LRRTM4: variants seen among roughly 807,000 people sequenced by gnomAD.
LRRTM4 encodes the protein leucine-rich repeat transmembrane neuronal protein 4.
In LRRTM4, 25 loss-of-function variants were observed where a neutral mutation model predicts 47.6. The observed-to-expected ratio is 0.53, with a 90% CI of 0.38 to 0.73. The LOEUF is 0.73. Ranked by LOEUF, LRRTM4 falls within the 30% of genes least tolerant of loss-of-function variation. LRRTM4 has a pLI of 0.00. For missense variants in LRRTM4, 638 were observed against 713.4 expected (o/e 0.89, Z 1.20); for synonymous variants, 311 against 269.5 (o/e 1.15, Z -1.51).
intron 3 of LRRTM4, among the ~76,000 whole-genome samples, chr2:77,438,066 T>C (rs186206100): frequency 3.6e-4 from 55 of 152,312 alleles, no homozygotes; most frequent in South Asian, 8.3e-4. Flanking sequence ...TACAGAATTG[T>C]AGTGAATATA....
chr2:77,078,615 G>T (rs1049808122), intron 3 of LRRTM4, among the ~76,000 whole-genome samples: 14 of 152,148 alleles, frequency 9.2e-5, no homozygotes, highest in African/African-American at 3.4e-4. Flanking sequence ...TTGCCATTAT[G>T]TTGGGGAGAT....
intron 3 of LRRTM4, among the ~76,000 whole-genome samples, chr2:77,137,973 AG>A (rs562900880): frequency 1.7e-3 from 257 of 152,288 alleles, no homozygotes; most frequent in African/African-American, 5.8e-3. Context: ...AGATTCATAA[AG>A]CAAGTCCTTA....
At chr2:77,115,682 G>A (rs925620620) in intron 3 of LRRTM4, among the ~76,000 whole-genome samples, 99 of 152,156 alleles carry the variant, frequency 6.5e-4, no homozygotes, top group African/African-American at 2.2e-3. Flanking sequence ...GGAAAATTTC[G>A]CCTGTTGAAT....
At chr2:77,207,276 GTA>G (rs1481252870) in intron 3 of LRRTM4, among the ~76,000 whole-genome samples, 3 of 140,798 alleles carry the variant, frequency 2.1e-5, no homozygotes, top group Non-Finnish European at 4.6e-5. Context: ...ACACATATAT[GTA>G]TATGTGTGTG....
intron 3 of LRRTM4, among the ~76,000 whole-genome samples, chr2:77,030,647 A>G (rs909733351): frequency 6.6e-6 from 1 of 152,188 alleles, no homozygotes; most frequent in Non-Finnish European, 1.5e-5. Flanking sequence ...TAACAACCAA[A>G]AAGACTCCTT....
chr2:77,444,836 G>A (rs891952689), intron 3 of LRRTM4, among the ~76,000 whole-genome samples: 7 of 150,376 alleles, frequency 4.7e-5, no homozygotes, highest in Middle Eastern at 3.4e-3. Context: ...ACATCTTCAC[G>A]TTGTTTTTCT....
intron 3 of LRRTM4, among the ~76,000 whole-genome samples, chr2:77,084,516 T>A (rs578179006): frequency 6.6e-6 from 1 of 152,346 alleles, no homozygotes; most frequent in East Asian, 1.9e-4. Flanking sequence ...TTTCCATATT[T>A]ACCCTTACAT....
intron 3 of LRRTM4, among the ~76,000 whole-genome samples, chr2:76,844,522 CAT>C (rs1671782740): frequency 6.6e-6 from 1 of 152,116 alleles, no homozygotes; most frequent in Admixed American, 6.5e-5. Context: ...TTTCAATTTC[CAT>C]ATCTGTATCA....
intron 3 of LRRTM4, among the ~76,000 whole-genome samples, chr2:76,871,999 T>C (rs56161148): frequency 0.14 from 20,908 of 152,234 alleles, 1,745 homozygotes; most frequent in Admixed American, 0.21. Flanking sequence ...TGAAGCCTTG[T>C]GGGGAACCCG....
Position 76,855,434 on chromosome 2 carries a change from T to C in LRRTM4, c.1552-106518A>G, listed in dbSNP as rs546164386. 3.3e-5 allele frequency among the ~76,000 whole-genome samples: 5 copies of C among 152,354 alleles called. No individual in the cohort carries two copies. The South Asian group carries it at 1.0e-3, about 32-fold the overall frequency. ...AGCATACAGTCTACATTTTGCCTTA[T>C]TTGATAAATAATAGATTCATATCAA... On this transcript the variant is annotated intron_variant, in intron 3 of 3. Coordinates refer to ENST00000409884, the MANE Select transcript of LRRTM4 (RefSeq NM_001134745.3).
intron 3 of LRRTM4, among the ~76,000 whole-genome samples, chr2:77,111,763 T>C (rs1429209753): frequency 1.3e-5 from 2 of 152,168 alleles, no homozygotes; most frequent in Non-Finnish European, 1.5e-5. Flanking sequence ...TGCTGGCAAT[T>C]TGACATGCTG....
chr2:77,217,070 C>CA (rs553127745), intron 3 of LRRTM4, among the ~76,000 whole-genome samples: 2,437 of 83,990 alleles, frequency 0.029, 29 homozygotes, highest in Middle Eastern at 0.093. Context: ...GAGACTCTGT[C>CA]AAAAAAAAAA....
chr2:76,799,897 G>A (rs971480431), intron 3 of LRRTM4, among the ~76,000 whole-genome samples: 18 of 150,204 alleles, frequency 1.2e-4, no homozygotes, highest in Non-Finnish European at 2.2e-4. Context: ...ACTTACAAGG[G>A]ATGAGAAGGA....
rs778092679 is a variant in LRRTM4, at chr2:77,059,421, A to G, written c.1552-310505T>C. Reference sequence around the variant, plus strand: ...TTCAGCACTTAGATATTAGAACCAAATAACAAGAAACTAAATGTAATGGCT... The same window carrying G: ...TTCAGCACTTAGATATTAGAACCAAGTAACAAGAAACTAAATGTAATGGCT... On this transcript the variant is annotated intron_variant, in intron 3 of 3. Coordinates refer to ENST00000409884, the MANE Select transcript of LRRTM4 (RefSeq NM_001134745.3). Among the ~76,000 whole-genome samples the G allele has an allele frequency of 1.3e-4, 19 of 151,870 alleles. 1 individual carries two copies. The highest frequency in any genetic ancestry group is 5.9e-4 in the Admixed American group (9 of 15,258).
intron 3 of LRRTM4, among the ~76,000 whole-genome samples, chr2:76,946,817 TATTGA>T (rs1300294346): frequency 6.6e-6 from 1 of 151,944 alleles, no homozygotes; most frequent in African/African-American, 2.4e-5. Context: ...TGTAAAATTT[TATTGA>T]ATTATTATCA....
chr2:77,026,940 T>A (rs1365291331), intron 3 of LRRTM4, among the ~76,000 whole-genome samples: 2 of 152,092 alleles, frequency 1.3e-5, no homozygotes, highest in East Asian at 1.9e-4. Context: ...ATGGCACAAC[T>A]TAATTAAAGC....
Position 77,256,924 on chromosome 2 carries a change from T to C in LRRTM4, c.1551+261394A>G, listed in dbSNP as rs569738205. On this transcript the variant is annotated intron_variant, in intron 3 of 3. Coordinates refer to ENST00000409884, the MANE Select transcript of LRRTM4 (RefSeq NM_001134745.3). ...ACAAAAACCCTTAACAAGTAATATATAAAAAGATGTATAGAACATGACAAA... is the reference window on the plus strand; with the variant it reads ...ACAAAAACCCTTAACAAGTAATATACAAAAAGATGTATAGAACATGACAAA... 2.1e-3 allele frequency among the ~76,000 whole-genome samples: 317 copies of C among 152,088 alleles called. 2 individuals carry two copies. The highest frequency in any genetic ancestry group is 7.2e-3 in the African/African-American group (298 of 41,504).
At chr2:77,482,400 A>G (rs2104021243) in intron 3 of LRRTM4, among the ~76,000 whole-genome samples, 1 of 151,788 alleles carries the variant, frequency 6.6e-6, no homozygotes, top group Non-Finnish European at 1.5e-5. Context: ...CCATAAAATA[A>G]TGCATTTTGA....
intron 3 of LRRTM4, among the ~76,000 whole-genome samples, chr2:77,035,597 A>G (rs1044473536): frequency 3.3e-5 from 5 of 151,892 alleles, no homozygotes; most frequent in Non-Finnish European, 5.9e-5. Flanking sequence ...AGCTGTTATA[A>G]TTTTGTTATT....
Sources: gnomAD v4.1 joint callset for allele counts (sites outside exome capture counted in the v4.1 genomes callset) on GRCh38, gnomAD v4.1.1 for gene constraint, MANE v1.5 for transcripts, NCBI Gene and HGNC (gene_info 2026-07-23, HGNC 2026-07-21) for gene names.